Variants in BAIAP2 observed in about 807,000 individuals in gnomAD.
BAIAP2 encodes the protein BAR/IMD domain-containing adapter protein 2.
Under a neutral mutation model 63.0 loss-of-function variants are expected in BAIAP2, and 18 were observed. The observed-to-expected ratio is 0.29, with a 90% CI of 0.20 to 0.42. BAIAP2 has a LOEUF of 0.42. Among genes scored for constraint, BAIAP2 ranks in the 10% least tolerant of loss-of-function variants. The pLI is 1.00. For missense variants in BAIAP2, 610 were observed against 734.3 expected, an observed-to-expected ratio of 0.83 and a Z score of 1.96; for synonymous variants, 386 against 307.6, an observed-to-expected ratio of 1.25 and a Z score of -2.67.
At chr17:81,073,489 T>A (rs923974582) in intron 3 of BAIAP2, among the ~76,000 whole-genome samples, 4 of 152,224 alleles carry the variant, frequency 2.6e-5, no homozygotes. Context: ...GAGTGTTAAC[T>A]GAAATCATCA....
intron 1 of BAIAP2, chr17:81,036,207 C>G (rs114417244): frequency 6.6e-6 from 1 of 152,006 alleles, no homozygotes; most frequent in Non-Finnish European, 1.5e-5. Context: ...CGCCTGAGCC[C>G]GGCAGCTGCC....
chr17:81,110,262 TAAG>T, intron 13 of BAIAP2: 1 of 985,664 alleles, frequency 1.0e-6, no homozygotes, highest in Non-Finnish European at 1.2e-6. Context: ...CGCGTGACAT[TAAG>T]GAGAGCTCAA....
At chr17:81,035,515 C>A (rs886593065) in intron 1 of BAIAP2, among the ~76,000 whole-genome samples, 1 of 149,094 alleles carries the variant, frequency 6.7e-6, no homozygotes, top group African/African-American at 2.4e-5. Flanking sequence ...GTGGCCACCC[C>A]CGCCCGGGCC....
intron 3 of BAIAP2, among the ~76,000 whole-genome samples, chr17:81,060,791 A>G (rs931874265): frequency 6.6e-6 from 1 of 152,120 alleles, no homozygotes; most frequent in Non-Finnish European, 1.5e-5. Context: ...CTGCGTGTCT[A>G]AGAGGGCAGG....
At chr17:81,110,223 T>G (rs911618772) in intron 13 of BAIAP2, 476 of 985,550 alleles carry the variant, frequency 4.8e-4, no homozygotes, top group Admixed American at 5.5e-4. Context: ...CTGGTAGTGT[T>G]TGTGTGGGAA....
chr17:81,115,976 C>T lies in BAIAP2; in HGVS notation c.*137C>T. 1 of 1,500,030 alleles carries T rather than the reference C, an allele frequency of 6.7e-7. No individual in the cohort carries two copies. Among genetic ancestry groups the T allele is most frequent in the Non-Finnish European group, 8.9e-7 (1 of 1,125,040 alleles). 92.9% of individuals were successfully genotyped at this position (1,500,030 alleles called of 1,614,324 possible). The stretch of plus-strand genomic sequence containing the variant: ...CTGGTCTTGCCCCACTTGAGTCTGG[C>T]CTGGACTGGATCCCAGCTGTTCTAG... On this transcript the variant is annotated 3_prime_UTR_variant, in exon 14 of 14. Coordinates refer to ENST00000428708, the MANE Select transcript of BAIAP2 (RefSeq NM_001144888.2).
chr17:81,086,389 G>A (rs577550065), intron 5 of BAIAP2, 54 bp from the exon 6 acceptor site: 45 of 1,599,202 alleles, frequency 2.8e-5, no homozygotes, highest in Admixed American at 2.0e-4. Context: ...CCAGTGGTCC[G>A]CGCTGCGTTG....
rs113945937 is a variant in BAIAP2, at chr17:81,088,966, C to T, written c.489+2386C>T. ...CCACGCAGTCACTGTGGCCCTGCCGCACCAGCTCCCTGGTTTTCAGGTGCC... is the reference window on the plus strand; with the variant it reads ...CCACGCAGTCACTGTGGCCCTGCCGTACCAGCTCCCTGGTTTTCAGGTGCC... On this transcript the variant is annotated intron_variant, in intron 6 of 13. Transcript: ENST00000428708. Among the ~76,000 whole-genome samples the T allele has an allele frequency of 1.7e-4, 26 of 152,372 alleles. 2 individuals are homozygous for T. The highest frequency in any genetic ancestry group is 6.3e-4 in the African/African-American group (26 of 41,584).
chr17:81,082,912 CT>C (rs1223417391), intron 3 of BAIAP2: 6 of 152,338 alleles, frequency 3.9e-5, no homozygotes, highest in African/African-American at 1.5e-4. Context: ...GTGGCCTACT[CT>C]GTCTGCTCAT....
At chr17:81,070,021 G>A (rs1311095250) in intron 3 of BAIAP2, among the ~76,000 whole-genome samples, 2 of 152,152 alleles carry the variant, frequency 1.3e-5, no homozygotes, top group African/African-American at 2.4e-5. Flanking sequence ...GAGTGTGGTG[G>A]CGCAGTCATA....
chr17:81,113,795 C>T (rs991362038), intron 13 of BAIAP2, among the ~76,000 whole-genome samples: 1 of 152,138 alleles, frequency 6.6e-6, no homozygotes, highest in African/African-American at 2.4e-5. Flanking sequence ...TGGAGGGCTT[C>T]CTACCCCTGC....
chr17:81,058,207 C>T (rs1002267322), intron 3 of BAIAP2, among the ~76,000 whole-genome samples: 7 of 152,156 alleles, frequency 4.6e-5, no homozygotes, highest in East Asian at 1.9e-4. Context: ...GGCAAACCCA[C>T]GTTTAAAAGT....
At chr17:81,053,151 G>C (rs555517934) in intron 1 of BAIAP2, among the ~76,000 whole-genome samples, 1 of 152,220 alleles carries the variant, frequency 6.6e-6, no homozygotes, top group Non-Finnish European at 1.5e-5. Flanking sequence ...ACCCAGAGCC[G>C]TTGGATTATT....
At chr17:81,080,651 T>C (rs559860350) in intron 3 of BAIAP2, among the ~76,000 whole-genome samples, 27 of 152,332 alleles carry the variant, frequency 1.8e-4, no homozygotes, top group Admixed American at 1.6e-3. Flanking sequence ...CTTGACTCCA[T>C]TGTGTGTAGC....
At chr17:81,087,182 C>T (rs1321165078) in intron 6 of BAIAP2, among the ~76,000 whole-genome samples, 1 of 152,210 alleles carries the variant, frequency 6.6e-6, no homozygotes, top group Non-Finnish European at 1.5e-5. Context: ...GAGAAAGAAA[C>T]ACAAAACAAG....
intron 1 of BAIAP2, among the ~76,000 whole-genome samples, chr17:81,041,102 C>CT (rs1312533396): frequency 6.6e-6 from 1 of 152,234 alleles, no homozygotes; most frequent in African/African-American, 2.4e-5. Context: ...TTGACTCACG[C>CT]TATAGAGCCT....
intron 3 of BAIAP2, among the ~76,000 whole-genome samples, chr17:81,059,120 G>A (rs1412515981): frequency 2.0e-5 from 3 of 151,852 alleles, no homozygotes; most frequent in African/African-American, 7.3e-5. Context: ...GACCCTCATC[G>A]GAGCCCCCCC....
intron 13 of BAIAP2, among the ~76,000 whole-genome samples, chr17:81,115,551 C>G (rs1180843359): frequency 6.6e-6 from 1 of 152,188 alleles, no homozygotes; most frequent in African/African-American, 2.4e-5. Context: ...CCTGCCTTGT[C>G]TAGGGCACAT....
At chr17:81,056,111 G>T (rs987391595) in intron 2 of BAIAP2, among the ~76,000 whole-genome samples, 1 of 152,160 alleles carries the variant, frequency 6.6e-6, no homozygotes, top group Admixed American at 6.5e-5. Context: ...AAATGTTGAC[G>T]CTGGAGAGAG....
Sources: gnomAD v4.1 joint callset for allele counts (sites outside exome capture counted in the v4.1 genomes callset) on GRCh38, gnomAD v4.1.1 for gene constraint, MANE v1.5 for transcripts, NCBI Gene and HGNC (gene_info 2026-07-23, HGNC 2026-07-21) for gene names.